ELMO1: variants seen among roughly 807,000 people sequenced by gnomAD.
The protein encoded by ELMO1 is engulfment and cell motility protein 1.
A neutral mutation model predicts 98.9 loss-of-function variants in ELMO1; 26 were observed. The observed-to-expected ratio is 0.26, with a 90% CI of 0.19 to 0.36. The LOEUF (loss-of-function observed/expected upper bound fraction) is 0.36. Among genes scored for constraint, ELMO1 ranks in the 10% least tolerant of loss-of-function variants. The probability of loss-of-function intolerance (pLI) is 1.00; values close to 1 mark genes in which losing one functional copy is unlikely to be tolerated. For missense variants in ELMO1, 627 were observed against 935.2 expected (o/e 0.67, Z 4.30); for synonymous variants, 346 against 346.0 (o/e 1.00, Z 0.00).
intron 1 of ELMO1, among the ~76,000 whole-genome samples, chr7:37,422,650 T>C (rs1804521794): frequency 6.6e-6 from 1 of 152,250 alleles, no homozygotes; most frequent in Non-Finnish European, 1.5e-5. Flanking sequence ...AGGCAACACT[T>C]GCCTTCCTAT....
At position 37,249,165 on chromosome 7, in the gene ELMO1, A is replaced by G. The variant is rs571768188; in HGVS notation, c.414-4774T>C. 9.2e-5 allele frequency among the ~76,000 whole-genome samples: 14 copies of G among 152,332 alleles called. No homozygotes were observed. In the East Asian group the frequency reaches 2.5e-3, roughly 27 times the overall value. On this transcript the variant is annotated intron_variant, in intron 6 of 21. Coordinates refer to ENST00000310758, the MANE Select transcript of ELMO1 (RefSeq NM_014800.11). Reference sequence around the variant, plus strand: ...ATACCTCAGTTTTCACAACATTCAGAAAATGAAAACACCTCTGGTTCAGGC... The same window carrying G: ...ATACCTCAGTTTTCACAACATTCAGGAAATGAAAACACCTCTGGTTCAGGC...
intron 13 of ELMO1, among the ~76,000 whole-genome samples, chr7:37,159,518 T>C (rs574648600): frequency 2.0e-5 from 3 of 152,180 alleles, no homozygotes; most frequent in African/African-American, 7.2e-5. Flanking sequence ...CTGGCCAACA[T>C]GGCAAAACTC....
chr7:37,414,924 A>G (rs577252926), intron 1 of ELMO1, among the ~76,000 whole-genome samples: 11 of 152,350 alleles, frequency 7.2e-5, no homozygotes, highest in African/African-American at 1.7e-4. Flanking sequence ...GCAGACTGCA[A>G]TGCACGTAGC....
chr7:37,193,638 T>C (rs970862500), intron 13 of ELMO1, among the ~76,000 whole-genome samples: 1 of 152,076 alleles, frequency 6.6e-6, no homozygotes, highest in Non-Finnish European at 1.5e-5. Flanking sequence ...GGCAGCACTA[T>C]CTATACAGTG....
intron 1 of ELMO1, chr7:37,393,945 G>A (rs1223188887): frequency 1.3e-5 from 2 of 152,244 alleles, no homozygotes; most frequent in Admixed American, 6.5e-5. Context: ...GTGGAAAGGA[G>A]AGATGATATG....
intron 14 of ELMO1, among the ~76,000 whole-genome samples, chr7:37,100,405 T>C (rs1314747115): frequency 6.6e-6 from 1 of 152,224 alleles, no homozygotes; most frequent in Admixed American, 6.5e-5. Context: ...TCCAATTGTG[T>C]AGATCAGGAA....
chr7:36,866,779 T>C (rs575329119), intron 20 of ELMO1, among the ~76,000 whole-genome samples: 1 of 152,302 alleles, frequency 6.6e-6, no homozygotes, highest in African/African-American at 2.4e-5. Flanking sequence ...ATCCACTGTG[T>C]ACTGACAGAC....
At chr7:36,918,378 T>C (rs1354186522) in intron 16 of ELMO1, among the ~76,000 whole-genome samples, 1 of 152,208 alleles carries the variant, frequency 6.6e-6, no homozygotes, top group Non-Finnish European at 1.5e-5. Context: ...TTCTTTTGCT[T>C]CTCTAATAAT....
At chr7:37,150,560 T>C (rs543187043) in intron 13 of ELMO1, among the ~76,000 whole-genome samples, 1 of 152,336 alleles carries the variant, frequency 6.6e-6, no homozygotes, top group African/African-American at 2.4e-5. Context: ...ATAAAATGCA[T>C]GCTAGTTGTA....
chr7:36,960,130 A>C (rs1788816437), intron 16 of ELMO1, among the ~76,000 whole-genome samples: 1 of 152,176 alleles, frequency 6.6e-6, no homozygotes, highest in Non-Finnish European at 1.5e-5. Flanking sequence ...TCAAATGAAG[A>C]AGGGTACATG....
chr7:37,433,196 C>T (rs980869323), intron 1 of ELMO1, among the ~76,000 whole-genome samples: 1 of 152,162 alleles, frequency 6.6e-6, no homozygotes, highest in Non-Finnish European at 1.5e-5. Context: ...ACGAAGGAAC[C>T]ATTTTAAAGG....
intron 2 of ELMO1, among the ~76,000 whole-genome samples, chr7:37,328,782 A>G (rs1169193922): frequency 6.6e-6 from 1 of 152,196 alleles, no homozygotes; most frequent in Non-Finnish European, 1.5e-5. Context: ...TGCCCAAATC[A>G]CCATCTCCAA....
At chr7:37,358,536 G>A (rs1281608224) in intron 1 of ELMO1, among the ~76,000 whole-genome samples, 2 of 152,206 alleles carry the variant, frequency 1.3e-5, no homozygotes, top group African/African-American at 4.8e-5. Context: ...CTGCTGACAG[G>A]TCTGGTAATG....
chr7:37,216,635 AG>A lies in ELMO1; in HGVS notation c.831+9del. On this transcript the variant is annotated intron_variant, in intron 11 of 21. Transcript: ENST00000310758. ...CCCCCACAAAGAGGTCACAGCGCAT[AG>A]GTACTCACTGTTAAAATGATGGAAC... is the stretch of plus-strand genomic sequence containing the variant. 1.2e-6 allele frequency: 2 copies of A among 1,614,108 alleles called. No individual in the cohort carries two copies. Among genetic ancestry groups the A allele is most frequent in the Non-Finnish European group, 1.7e-6 (2 of 1,179,948 alleles).
At chr7:37,438,870 C>T (rs1336624702) in intron 1 of ELMO1, among the ~76,000 whole-genome samples, 1 of 152,192 alleles carries the variant, frequency 6.6e-6, no homozygotes, top group Non-Finnish European at 1.5e-5. Flanking sequence ...GCGCTTTAAA[C>T]CTCAAAGACT....
At chr7:37,151,823 C>A (rs1028925578) in intron 13 of ELMO1, among the ~76,000 whole-genome samples, 1 of 152,166 alleles carries the variant, frequency 6.6e-6, no homozygotes, top group Non-Finnish European at 1.5e-5. Context: ...ATAAAGCTAA[C>A]AAATACCGAG....
At chr7:36,970,135 T>G (rs912434617) in intron 16 of ELMO1, among the ~76,000 whole-genome samples, 3 of 151,176 alleles carry the variant, frequency 2.0e-5, no homozygotes, top group East Asian at 1.9e-4. Flanking sequence ...TCCTTATATA[T>G]GTAAACACAC....
chr7:37,174,613 C>A (rs1359923180), intron 13 of ELMO1, among the ~76,000 whole-genome samples: 1 of 152,150 alleles, frequency 6.6e-6, no homozygotes, highest in Non-Finnish European at 1.5e-5. Flanking sequence ...AAGTGTCACT[C>A]CTGGCTAGAT....
chr7:37,331,262 CG>C (rs943617819), intron 2 of ELMO1, among the ~76,000 whole-genome samples: 5 of 151,156 alleles, frequency 3.3e-5, no homozygotes, highest in Admixed American at 6.6e-5. Flanking sequence ...CTCTGCCTCC[CG>C]GGTTCACACC....
Sources: allele counts gnomAD v4.1 joint callset (sites outside exome capture counted in the v4.1 genomes callset), GRCh38; gene constraint gnomAD v4.1.1; transcripts MANE v1.5; gene names NCBI Gene and HGNC (gene_info 2026-07-23, HGNC 2026-07-21).